PRKCA: variants seen among roughly 807,000 people sequenced by gnomAD.
PRKCA encodes the protein protein kinase C alpha type.
Under a neutral mutation model 87.0 loss-of-function variants are expected in PRKCA, and 27 were observed. That is an observed-to-expected ratio of 0.31 (90% confidence interval 0.23 to 0.43). The LOEUF (loss-of-function observed/expected upper bound fraction) is 0.43, where lower values mean the gene tolerates loss of function less well. PRKCA is among the 20% of genes least tolerant of loss of function. PRKCA has a pLI of 1.00. For synonymous variants in PRKCA, 329 were observed against 311.1 expected (o/e 1.06, Z -0.61); for missense variants, 518 against 852.3 (o/e 0.61, Z 4.88).
At chr17:66,368,384 ATATTTTTTTTT>A (rs1342966797) in intron 2 of PRKCA, among the ~76,000 whole-genome samples, 16 of 27,004 alleles carry the variant, frequency 5.9e-4, no homozygotes, top group African/African-American at 1.7e-3. Flanking sequence ...ATATATATAT[ATATTTTTTTTT>A]TTTTTTTTTT....
At chr17:66,528,478 CTAAGAGTGAGG>C (rs936401317) in intron 3 of PRKCA, among the ~76,000 whole-genome samples, 2 of 152,074 alleles carry the variant, frequency 1.3e-5, no homozygotes, top group Non-Finnish European at 1.5e-5. Flanking sequence ...AAAGGACCTT[CTAAGAGTGAGG>C]GATGAACTCA....
At chr17:66,723,836 C>G (rs1201195307) in intron 8 of PRKCA, among the ~76,000 whole-genome samples, 1 of 152,234 alleles carries the variant, frequency 6.6e-6, no homozygotes, top group Non-Finnish European at 1.5e-5. Flanking sequence ...GTCATTTGTC[C>G]AGAGTCACAC....
At chr17:66,664,545 T>C (rs1971991322) in intron 5 of PRKCA, among the ~76,000 whole-genome samples, 1 of 151,480 alleles carries the variant, frequency 6.6e-6, no homozygotes, top group South Asian at 2.1e-4. Context: ...CAGGTGAAAA[T>C]CTCTTAGCCT....
At chr17:66,526,876 G>A (rs1197770646) in intron 3 of PRKCA, among the ~76,000 whole-genome samples, 1 of 152,190 alleles carries the variant, frequency 6.6e-6, no homozygotes, top group African/African-American at 2.4e-5. Context: ...TGGTGAAGAA[G>A]CAGTTTGGGG....
At chr17:66,486,849 CA>C (rs2043631388) in intron 2 of PRKCA, among the ~76,000 whole-genome samples, 1 of 151,934 alleles carries the variant, frequency 6.6e-6, no homozygotes, top group African/African-American at 2.4e-5. Context: ...TTTGGGGGTA[CA>C]TCTGATATTT....
At position 66,451,989 on chromosome 17, in the gene PRKCA, TAAATC is replaced by T. The variant is rs1229387131; in HGVS notation, c.206-44210_206-44206del. Among the ~76,000 whole-genome samples the T allele has an allele frequency of 7.2e-5, 11 of 152,224 alleles. No individual in the cohort carries two copies. The East Asian group carries it at 2.1e-3, about 29-fold the overall frequency. ...TTGAAAGCAGGACACCGCCGGGAGG[TAAATC>T]AGATTAGGGCTTCCTCTACCACAGC... On this transcript the variant is annotated intron_variant, in intron 2 of 16. Coordinates refer to ENST00000413366, the MANE Select transcript of PRKCA (RefSeq NM_002737.3).
At chr17:66,798,488 ACGG>A (rs1951993164) in intron 16 of PRKCA, among the ~76,000 whole-genome samples, 1 of 1,800 alleles carries the variant, frequency 5.6e-4, no homozygotes. Context: ...GGTGGTGGTG[ACGG>A]TGGTGGTGGT....
At chr17:66,756,386 A>T (rs1021971579) in intron 13 of PRKCA, among the ~76,000 whole-genome samples, 1 of 152,004 alleles carries the variant, frequency 6.6e-6, no homozygotes, top group Non-Finnish European at 1.5e-5. Flanking sequence ...GAAGGTCACA[A>T]TCCACAGGCA....
At chr17:66,481,796 C>T (rs1057279951) in intron 2 of PRKCA, among the ~76,000 whole-genome samples, 1 of 152,086 alleles carries the variant, frequency 6.6e-6, no homozygotes, top group Non-Finnish European at 1.5e-5. Context: ...GACAAACATA[C>T]AACTCTATTT....
chr17:66,591,719 T>C (rs1374997302), intron 3 of PRKCA, among the ~76,000 whole-genome samples: 2 of 152,154 alleles, frequency 1.3e-5, no homozygotes. Flanking sequence ...GAGTAGAAGC[T>C]CTGTTGCCCT....
At chr17:66,339,086 G>C (rs1162892720) in intron 2 of PRKCA, among the ~76,000 whole-genome samples, 3 of 152,190 alleles carry the variant, frequency 2.0e-5, no homozygotes, top group Non-Finnish European at 4.4e-5. Flanking sequence ...GAGAGCTCTT[G>C]CGCTATCAGA....
At chr17:66,497,329 C>G (rs1012541147) in intron 3 of PRKCA, among the ~76,000 whole-genome samples, 13 of 152,044 alleles carry the variant, frequency 8.6e-5, no homozygotes, top group Admixed American at 1.3e-4. Context: ...GAAACCCTGT[C>G]TCTACTAAAA....
chr17:66,309,835 T>C (rs1905006739), intron 2 of PRKCA, among the ~76,000 whole-genome samples: 1 of 152,018 alleles, frequency 6.6e-6, no homozygotes, highest in Non-Finnish European at 1.5e-5. Context: ...AGACAGGAAG[T>C]AGATTTGTGT....
intron 2 of PRKCA, among the ~76,000 whole-genome samples, chr17:66,380,428 A>C (rs1909716810): frequency 6.6e-6 from 1 of 152,192 alleles, no homozygotes; most frequent in Non-Finnish European, 1.5e-5. Context: ...TGTGAGGATT[A>C]GAAAAGTTTA....
At chr17:66,730,418 G>C (rs1301961583) in intron 8 of PRKCA, among the ~76,000 whole-genome samples, 2 of 152,240 alleles carry the variant, frequency 1.3e-5, no homozygotes, top group African/African-American at 4.8e-5. Flanking sequence ...CAGCCCTGCA[G>C]GCTGCTGATT....
At chr17:66,686,122 C>T (rs1367068343) in intron 5 of PRKCA, among the ~76,000 whole-genome samples, 1 of 152,214 alleles carries the variant, frequency 6.6e-6, no homozygotes, top group East Asian at 1.9e-4. Flanking sequence ...GAGACTCAGG[C>T]TTTTGTCCCT....
chr17:66,411,242 CT>C (rs11296687), intron 2 of PRKCA, among the ~76,000 whole-genome samples: 25,166 of 136,836 alleles, frequency 0.18, 2,441 homozygotes, highest in East Asian at 0.38. Flanking sequence ...CAACATCTGG[CT>C]TTTTTTTTTT....
chr17:66,542,869 C>T (rs546445479), intron 3 of PRKCA, among the ~76,000 whole-genome samples: 8 of 152,190 alleles, frequency 5.3e-5, no homozygotes, highest in African/African-American at 7.2e-5. Context: ...TTTCTTGGAA[C>T]GAGGGTAACA....
At chr17:66,712,870 G>A (rs1461702326) in intron 8 of PRKCA, among the ~76,000 whole-genome samples, 3 of 152,090 alleles carry the variant, frequency 2.0e-5, no homozygotes, top group African/African-American at 7.2e-5. Flanking sequence ...GAGTAAGTAT[G>A]GAAGGTGCCT....
Sources: allele counts gnomAD v4.1 joint callset (sites outside exome capture counted in the v4.1 genomes callset), GRCh38; gene constraint gnomAD v4.1.1; transcripts MANE v1.5; gene names NCBI Gene and HGNC (gene_info 2026-07-23, HGNC 2026-07-21).